SETX: variants seen among roughly 807,000 people sequenced by gnomAD.
The protein encoded by SETX is helicase senataxin.
In SETX, 90 loss-of-function variants were observed where a neutral mutation model predicts 227.2. The observed-to-expected ratio is 0.40, with a 90% CI of 0.33 to 0.47. SETX has a LOEUF of 0.47. SETX is among the 20% of genes least tolerant of loss of function. The probability of loss-of-function intolerance (pLI) is 0.91; values close to 1 mark genes in which losing one functional copy is unlikely to be tolerated. For missense variants in SETX, 3,052 were observed against 3,181.5 expected (o/e 0.96, Z 0.98); for synonymous variants, 1,210 against 1,113.2 (o/e 1.09, Z -1.73).
rs182867589 is a variant in SETX, at chr9:132,296,172, T to C, written c.5950-144A>G. 1.5e-5 allele frequency: 15 copies of C among 1,018,870 alleles called. No individual in the cohort carries two copies. In the African/African-American group the frequency reaches 2.3e-4, roughly 15 times the overall value. 63.1% of individuals were successfully genotyped at this position (1,018,870 alleles called of 1,614,324 possible). ...TTAAAAATAAATAAAAGCATCTACA[T>C]CTAACACTGATATTTAAAATTACTC... On this transcript the variant is annotated intron_variant, in intron 14 of 25. Coordinates refer to ENST00000224140, the MANE Select transcript of SETX (RefSeq NM_015046.7).
Position 132,336,389 on chromosome 9 carries a change from C to T in SETX, c.625G>A (p.Asp209Asn), listed in dbSNP as rs765993447. The change falls in exon 6 of 26, where the codon GAC becomes AAC. Residue 209 changes from aspartate (D) to asparagine (N), a missense_variant. Physicochemically the swap from Asp to Asn is conservative, Grantham distance 23. Coordinates refer to ENST00000224140, the MANE Select transcript of SETX (RefSeq NM_015046.7). ...TCTAGGACAGAAGAAGTATAAATGTCTGGACTCTCTAAAAGCCCCAACTCA... is the reference window on the plus strand; with the variant it reads ...TCTAGGACAGAAGAAGTATAAATGTTTGGACTCTCTAAAAGCCCCAACTCA... ...VIELGLLESPDIYTSSVLEKG... is the reference protein window; with the variant it reads ...VIELGLLESPNIYTSSVLEKG... 6.2e-7 allele frequency: 1 copy of T among 1,614,102 alleles called. No individual in the cohort carries two copies.
chr9:132,345,417 G>A (rs1397184297), intron 4 of SETX, among the ~76,000 whole-genome samples: 2 of 152,098 alleles, frequency 1.3e-5, no homozygotes, highest in Non-Finnish European at 2.9e-5. Context: ...GGGATTACAG[G>A]TGCCTGCCAC....
At chr9:132,334,241 T>A (rs1847448398) in intron 7 of SETX, among the ~76,000 whole-genome samples, 1 of 151,770 alleles carries the variant, frequency 6.6e-6, no homozygotes, top group Non-Finnish European at 1.5e-5. Context: ...AGATCAAGAG[T>A]TCAAGACCAG....
intron 9 of SETX, among the ~76,000 whole-genome samples, chr9:132,330,837 C>G (rs189574853): frequency 2.3e-4 from 35 of 152,234 alleles, no homozygotes; most frequent in Admixed American, 3.9e-4. Context: ...CCTAAATGTA[C>G]TTATAAGTTA....
chr9:132,329,207 C>T lies in SETX; in HGVS notation c.2391G>A (p.Lys797=), dbSNP rs1564544592. 2 of 1,613,752 alleles carry T rather than the reference C, an allele frequency of 1.2e-6. No individual in the cohort carries two copies. The highest frequency in any genetic ancestry group is 1.7e-5 in the Admixed American group (1 of 59,996). The change falls in exon 10 of 26, where the codon AAG becomes AAA. Residue 797 remains lysine (K), a synonymous_variant. Transcript: ENST00000224140. Reference sequence around the variant, plus strand: ...CGACCAAAGTACTCTTCCTGTGTTGCTTCTTTATTACATGTGATAACTTTG... The same window carrying T: ...CGACCAAAGTACTCTTCCTGTGTTGTTTCTTTATTACATGTGATAACTTTG... ...ICAKLSHVIK[K]QHRKSTLVDN...
chr9:132,349,534 T>C lies in SETX; in HGVS notation c.-7-99A>G, dbSNP rs115333638. ...TCAACTTGTGACCCTGGTTTCAATT[T>C]AAAATGTGTCACTAAAACCCAAATC... is the stretch of plus-strand genomic sequence containing the variant. On this transcript the variant is annotated intron_variant, in intron 2 of 25. Coordinates refer to ENST00000224140, the MANE Select transcript of SETX (RefSeq NM_015046.7). 19 of 1,281,596 alleles carry C rather than the reference T, an allele frequency of 1.5e-5. No individual in the cohort carries two copies. In the African/African-American group the frequency reaches 2.6e-4, roughly 18 times the overall value. The allele number at this position is 1,281,596 out of a possible 1,614,324, so 79.4% of individuals were successfully genotyped here. A position where few individuals can be genotyped will look rare whatever the true frequency, so the allele number is the denominator to read the frequency against.
chr9:132,301,469 G>A (rs1242941960), intron 11 of SETX, among the ~76,000 whole-genome samples: 1 of 152,068 alleles, frequency 6.6e-6, no homozygotes, highest in African/African-American at 2.4e-5. Flanking sequence ...GATCCAAGTA[G>A]TTATACACCG....
intron 1 of SETX, among the ~76,000 whole-genome samples, chr9:132,354,440 G>A (rs1185533027): frequency 2.0e-5 from 3 of 148,996 alleles, no homozygotes; most frequent in Non-Finnish European, 3.0e-5. Context: ...AGGTTGCTGC[G>A]AGCCGTGACT....
rs532699429 is a variant in SETX, at chr9:132,353,996, GTTA to G, written c.-114-244_-114-242del. ...AGGCACCGAGCCAAAAATCCCCCAA[GTTA>G]TTAGCCCGCGCAGGTAACATCAATC... On this transcript the variant is annotated intron_variant, in intron 1 of 25. Coordinates refer to ENST00000224140, the MANE Select transcript of SETX (RefSeq NM_015046.7). 5.9e-5 allele frequency among the ~76,000 whole-genome samples: 9 copies of G among 152,314 alleles called. No homozygotes were observed. In the South Asian group the frequency reaches 1.9e-3, roughly 32 times the overall value.
At chr9:132,291,138 T>C (rs1844272687) in intron 15 of SETX, among the ~76,000 whole-genome samples, 1 of 151,334 alleles carries the variant, frequency 6.6e-6, no homozygotes, top group Non-Finnish European at 1.5e-5. Flanking sequence ...AAGGTCAACA[T>C]TTACTTGAGG....
chr9:132,290,025 A>T (rs556402276), intron 15 of SETX, among the ~76,000 whole-genome samples: 1 of 152,252 alleles, frequency 6.6e-6, no homozygotes, highest in South Asian at 2.1e-4. Context: ...CCTGGCCAAC[A>T]TGGCAAAACC....
At chr9:132,339,816 T>C (rs541139170) in intron 5 of SETX, among the ~76,000 whole-genome samples, 4 of 152,296 alleles carry the variant, frequency 2.6e-5, no homozygotes, top group South Asian at 2.1e-4. Context: ...GGTTTCATCA[T>C]GTTGGCCAGG....
In SETX at chr9:132,328,647, G is replaced by A. The variant is rs771914302; in HGVS notation, c.2951C>T (p.Ser984Leu). 5.0e-6 allele frequency: 8 copies of A among 1,612,154 alleles called. No homozygotes were observed. Among genetic ancestry groups the A allele is most frequent in the Non-Finnish European group, 6.8e-6 (8 of 1,179,292 alleles). Residue 984 changes from serine (S) to leucine (L), a missense_variant, in exon 10 of 26, where the codon TCA becomes TTA. By Grantham distance (145) the Ser-to-Leu change is moderately radical. Around this residue, in one of 10 missense-constraint regions of SETX, gnomAD observed 1,483 missense variants for 1,312.0 expected, o/e 1.13. Coordinates refer to ENST00000224140, the MANE Select transcript of SETX (RefSeq NM_015046.7). ...ITFPSDSPQN[S>L]SQLQRKVKED... is the part of the protein sequence containing the mutation. ...TTTTACTTTCCTTTGCAGCTGCGAT[G>A]AGTTCTGAGGTGAATCGGATGGGAA... is the stretch of plus-strand genomic sequence containing the variant.
chr9:132,278,928 G>T (rs997301727), intron 20 of SETX, among the ~76,000 whole-genome samples: 14 of 152,196 alleles, frequency 9.2e-5, no homozygotes, highest in African/African-American at 3.4e-4. Flanking sequence ...TGAATAAGAT[G>T]AAGTCTCACA....
intron 25 of SETX, 135 bp from the exon 26 acceptor site, chr9:132,265,120 C>A: frequency 9.2e-7 from 1 of 1,092,714 alleles, no homozygotes; most frequent in South Asian, 1.4e-5. Context: ...CATTACTCGT[C>A]AGACAAGGAT....
At chr9:132,277,299 G>A in intron 21 of SETX, 147 bp from the exon 22 acceptor site, 1 of 713,248 alleles carries the variant, frequency 1.4e-6, no homozygotes, top group Admixed American at 2.1e-5. Flanking sequence ...ACGTGTATTA[G>A]TGAAAGGTAC....
intron 10 of SETX, among the ~76,000 whole-genome samples, chr9:132,317,090 A>G (rs1846013959): frequency 6.6e-6 from 1 of 152,238 alleles, no homozygotes; most frequent in African/African-American, 2.4e-5. Flanking sequence ...ATTTTGAACA[A>G]GACTAAACAT....
Position 132,277,136 on chromosome 9 carries a change from G to A in SETX, c.6859C>T (p.Arg2287Ter), listed in dbSNP as rs1339011741. The A allele has an allele frequency of 3.7e-6, 6 of 1,611,476 alleles. No homozygotes were observed. The highest frequency in any genetic ancestry group is 5.1e-6 in the Non-Finnish European group (6 of 1,179,508). Residue 2287 changes from arginine to a stop codon, truncating the protein, a stop_gained, in exon 22 of 26, where the codon CGA (arginine) becomes TGA (stop). Coordinates refer to ENST00000224140, the MANE Select transcript of SETX (RefSeq NM_015046.7). LOFTEE classifies it high-confidence loss of function. ...TGAAATGGCCAATCTGATGAACATC[G>A]AATGGCTTCTGTCTGTCTGTAAAAA... Reference protein sequence around the residue: ...LKTNRQTEAIRCSSDWPFQPY... With the variant: ...LKTNRQTEAI
At chr9:132,300,409 A>C (rs1161006374) in intron 12 of SETX, among the ~76,000 whole-genome samples, 3 of 152,186 alleles carry the variant, frequency 2.0e-5, no homozygotes, top group Admixed American at 1.3e-4. Context: ...TGGATAAAGA[A>C]ATGTAACAAA....
Sources: gnomAD v4.1 joint callset for allele counts (sites outside exome capture counted in the v4.1 genomes callset) on GRCh38, gnomAD v4.1.1 for gene constraint, gnomAD v4.1.1 regional missense constraint, MANE v1.5 for transcripts, NCBI Gene and HGNC (gene_info 2026-07-23, HGNC 2026-07-21) for gene names.